NUTM1: variants seen among roughly 807,000 people sequenced by gnomAD.
NUTM1 encodes NUT midline carcinoma family member 1.
NUTM1 carries 39 observed loss-of-function variants against 88.7 expected under a neutral mutation model. That is an observed-to-expected ratio of 0.44 (90% CI 0.34 to 0.57). The LOEUF (loss-of-function observed/expected upper bound fraction) is 0.57, where lower values mean the gene tolerates loss of function less well. Ranked by LOEUF, NUTM1 falls within the 20% of genes least tolerant of loss-of-function variation. The probability of loss-of-function intolerance (pLI) is 0.01; values close to 1 mark genes in which losing one functional copy is unlikely to be tolerated. For synonymous variants in NUTM1, 494 were observed against 538.0 expected (o/e 0.92, Z 1.13); for missense variants, 1,350 against 1,414.5 (o/e 0.95, Z 0.73).
intron 1 of NUTM1, chr15:34,345,739 G>C: frequency 1.6e-6 from 1 of 627,538 alleles, no homozygotes; most frequent in Non-Finnish European, 2.6e-6. Flanking sequence ...AACATCAATT[G>C]TGTTGCCAAA....
rs778560900 is a variant in NUTM1, at chr15:34,355,695, G to C, written c.1687G>C (p.Glu563Gln). ...TTCTTCTTCAGGAAAACGGGCAAGA[G>C]AAGTGCATGGTGGGCAGGAGCAAGC... ...KVSSSGKRAR[E>Q]VHGGQEQALD... The change falls in exon 8 of 8, where the codon GAA (glutamate) becomes CAA (glutamine). Residue 563 changes from glutamate to glutamine, a missense_variant. By Grantham distance (29) the Glu-to-Gln change is conservative. Coordinates refer to ENST00000537011, the MANE Select transcript of NUTM1 (RefSeq NM_001284292.2). The surrounding 1 kb of genome is among the most constrained non-coding windows in gnomAD (Gnocchi z 4.3). The C allele has an allele frequency of 2.5e-6, 4 of 1,609,826 alleles. No individual in the cohort carries two copies. The highest frequency in any genetic ancestry group is 2.5e-6 in the Non-Finnish European group (3 of 1,177,688).
In NUTM1 at chr15:34,346,052, T is replaced by TG; in HGVS notation, c.100+18dup. ...CAGATGGAGGTAAGTCTGCAGGTGGTGAGGAGGATTTCTGGTACCTGCTCA... is the reference window on the plus strand; with the variant it reads ...CAGATGGAGGTAAGTCTGCAGGTGGTGGAGGAGGATTTCTGGTACCTGCTCA... On this transcript the variant is annotated intron_variant, in intron 2 of 7. Coordinates refer to ENST00000537011, the MANE Select transcript of NUTM1 (RefSeq NM_001284292.2). 8.1e-6 allele frequency: 13 copies of TG among 1,613,320 alleles called. No homozygotes were observed. Among genetic ancestry groups the TG allele is most frequent in the Non-Finnish European group, 1.1e-5 (13 of 1,179,410 alleles).
chr15:34,350,941 G>T, intron 4 of NUTM1, 109 bp downstream of exon 4: 2 of 1,400,482 alleles, frequency 1.4e-6, no homozygotes, highest in East Asian at 2.4e-5. Flanking sequence ...TGTTAGGATG[G>T]GGCGCAGCGG....
At position 34,348,018 on chromosome 15, in the gene NUTM1, G is replaced by C. The variant is rs761597936; in HGVS notation, c.150G>C (p.Pro50=). Residue 50 remains proline, a synonymous_variant, in exon 3 of 8, where the codon CCG becomes CCC. Coordinates refer to ENST00000537011, the MANE Select transcript of NUTM1 (RefSeq NM_001284292.2). ...PDMSMKPSAA[P]SPSPALPFLP... is the part of the protein sequence containing the mutation. The stretch of plus-strand genomic sequence containing the variant: ...TGAGCATGAAACCTAGTGCCGCCCC[G>C]TCTCCATCCCCTGCACTTCCCTTTC... 6.2e-7 allele frequency: 1 copy of C among 1,613,648 alleles called. No homozygotes were observed. Among genetic ancestry groups the C allele is most frequent in the South Asian group, 1.1e-5 (1 of 90,980 alleles).
rs1425193800 is a variant in NUTM1 at position 34,357,245 on chromosome 15, A to G, written c.3237A>G (p.Ala1079=). The change falls in exon 8 of 8, where the codon GCA becomes GCG. Residue 1079 remains alanine, a synonymous_variant. Transcript: ENST00000537011. ...HASGGQGSQR[A]SHLLPAGAKG... is the part of the protein sequence containing the mutation. ...CAGGAGGTCAGGGCAGCCAGAGAGC[A>G]TCCCACCTGCTCCCTGCTGGAGCAA... 6.2e-7 allele frequency: 1 copy of G among 1,614,026 alleles called. No individual in the cohort carries two copies. The highest frequency in any genetic ancestry group is 1.7e-5 in the Admixed American group (1 of 59,992).
chr15:34,343,718 T>A lies in NUTM1; in HGVS notation c.6+16T>A, dbSNP rs540983363. 1 of 1,533,242 alleles carries A rather than the reference T, an allele frequency of 6.5e-7. No individual in the cohort carries two copies. The highest frequency in any genetic ancestry group is 2.4e-5 in the East Asian group (1 of 40,902). 95.0% of individuals were successfully genotyped at this position (1,533,242 alleles called of 1,614,324 possible). A position where few individuals can be genotyped will look rare whatever the true frequency, so the allele number is the denominator to read the frequency against. On this transcript the variant is annotated intron_variant, in intron 1 of 7. Transcript: ENST00000537011. ...TCTTATGGTGGTGAGTAGCTAATAA[T>A]AACGTAATAAAGTGCACCTTCTAGG...
chr15:34,354,852 T>C (rs1371238582), intron 6 of NUTM1, 120 bp downstream of exon 6: 8 of 1,064,864 alleles, frequency 7.5e-6, no homozygotes, highest in Non-Finnish European at 1.2e-5. Flanking sequence ...AACTGAGTAA[T>C]GTGTGTGCAT....
chr15:34,356,993 C>T lies in NUTM1; in HGVS notation c.2985C>T (p.His995=). 2 of 1,613,888 alleles carry T rather than the reference C, an allele frequency of 1.2e-6. No homozygotes were observed. Among genetic ancestry groups the T allele is most frequent in the Non-Finnish European group, 1.7e-6 (2 of 1,179,964 alleles). Residue 995 remains histidine, a synonymous_variant, in exon 8 of 8, where the codon CAC becomes CAT. Coordinates refer to ENST00000537011, the MANE Select transcript of NUTM1 (RefSeq NM_001284292.2). ...TTGTPKATSS[H]QGLGSTLPRR... is the part of the protein sequence containing the mutation. ...GGACTCCCAAAGCAACATCTTCTCA[C>T]CAGGGCCTTGGAAGCACTTTGCCTA... is the stretch of plus-strand genomic sequence containing the variant.
chr15:34,356,915 C>T lies in NUTM1; in HGVS notation c.2907C>T (p.Ser969=), dbSNP rs1273905113. 2.5e-6 allele frequency: 4 copies of T among 1,613,438 alleles called. No individual in the cohort carries two copies. Among genetic ancestry groups the T allele is most frequent in the Non-Finnish European group, 8.5e-7 (1 of 1,179,940 alleles). Residue 969 remains serine (S), a synonymous_variant, in exon 8 of 8, where the codon TCC becomes TCT. Coordinates refer to ENST00000537011, the MANE Select transcript of NUTM1 (RefSeq NM_001284292.2). ...AAGGCAGGGTGGATCCTGATCTGTC[C>T]AAGCCTAAAAACCTTGCTCCTTTAC... ...QGEGRVDPDL[S]KPKNLAPLQE...
Position 34,353,297 on chromosome 15 carries a change from C to T in NUTM1, c.939-439C>T, listed in dbSNP as rs530739018. Reference sequence around the variant, plus strand: ...GCAGCCTTCACCTCTTGAGCTCAAGCGATCCTCCCACCTCAGCCCCACAAT... The same window carrying T: ...GCAGCCTTCACCTCTTGAGCTCAAGTGATCCTCCCACCTCAGCCCCACAAT... On this transcript the variant is annotated intron_variant, in intron 4 of 7. Transcript: ENST00000537011. 7.9e-5 allele frequency among the ~76,000 whole-genome samples: 12 copies of T among 152,230 alleles called. No homozygotes were observed. The East Asian group carries it at 1.7e-3, about 22-fold the overall frequency.
chr15:34,353,164 C>T (rs566919933), intron 4 of NUTM1, among the ~76,000 whole-genome samples: 55 of 151,542 alleles, frequency 3.6e-4, no homozygotes, highest in African/African-American at 1.3e-3. Context: ...GGGTTACAGG[C>T]GTGAGCCACT....
At chr15:34,352,877 C>CTTTTTTT (rs778786955) in intron 4 of NUTM1, among the ~76,000 whole-genome samples, 1 of 52,804 alleles carries the variant, frequency 1.9e-5, no homozygotes, top group African/African-American at 6.9e-5. Context: ...TCATTCTTAA[C>CTTTTTTT]TTTTTTTTTT....
At position 34,345,941 on chromosome 15, in the gene NUTM1, G is replaced by A; in HGVS notation, c.7-1G>A. ...GATCCCTGTGCACCTACTGGAGCCA[G>A]GTTACTCTGGGTCCTGGACCTGACT... On this transcript the variant is annotated splice_acceptor_variant, in intron 1 of 7. Transcript: ENST00000537011. LOFTEE classifies it high-confidence loss of function. The A allele has an allele frequency of 6.2e-7, 1 of 1,614,044 alleles. No individual in the cohort carries two copies. The highest frequency in any genetic ancestry group is 8.5e-7 in the Non-Finnish European group (1 of 1,179,956).
intron 4 of NUTM1, 136 bp from the exon 5 acceptor site, chr15:34,353,600 C>T (rs1890746654): frequency 2.1e-6 from 2 of 954,542 alleles, no homozygotes; most frequent in African/African-American, 1.6e-5. Flanking sequence ...TGACCACCCT[C>T]CTGGGTGACA....
intron 2 of NUTM1, 63 bp from the exon 3 acceptor site, chr15:34,347,906 C>A (rs1890627823): frequency 2.3e-6 from 2 of 873,552 alleles, no homozygotes; most frequent in Admixed American, 2.8e-5. Flanking sequence ...ATGGGGAATT[C>A]AGATGGCTAA....
At chr15:34,347,725 C>T (rs925270800) in intron 2 of NUTM1, among the ~76,000 whole-genome samples, 4 of 151,994 alleles carry the variant, frequency 2.6e-5, no homozygotes, top group Admixed American at 6.6e-5. Flanking sequence ...TGGTGGTGGG[C>T]GTCTGTAGTC....
At chr15:34,343,888 CTG>C (rs892458510) in intron 1 of NUTM1, among the ~76,000 whole-genome samples, 186 bp downstream of exon 1, 9 of 150,998 alleles carry the variant, frequency 6.0e-5, no homozygotes, top group Non-Finnish European at 1.3e-4. Context: ...TATATATTAA[CTG>C]TGTAACCAGA....
chr15:34,346,881 TAAAA>T (rs10671676), intron 2 of NUTM1, among the ~76,000 whole-genome samples: 418 of 34,302 alleles, frequency 0.012, 6 homozygotes, highest in African/African-American at 0.044. Context: ...AGACTCCATC[TAAAA>T]AAAAAAAAAA....
At chr15:34,345,902 C>T (rs1465893083) in intron 1 of NUTM1, 40 bp from the exon 2 acceptor site, 1 of 1,610,486 alleles carries the variant, frequency 6.2e-7, no homozygotes, top group African/African-American at 1.3e-5. Flanking sequence ...CTGATCTTTA[C>T]CTTCCCTTCC....
Sources: allele counts gnomAD v4.1 joint callset (sites outside exome capture counted in the v4.1 genomes callset), GRCh38; gene constraint gnomAD v4.1.1; non-coding constraint Gnocchi (gnomAD v3.1); transcripts MANE v1.5; gene names NCBI Gene and HGNC (gene_info 2026-07-23, HGNC 2026-07-21).